The following HSD17B12 variants were observed in gnomAD, a reference collection of about 807,000 sequenced individuals.
HSD17B12 encodes the protein very-long-chain 3-oxoacyl-CoA reductase.
A neutral mutation model predicts 39.3 loss-of-function variants in HSD17B12; 32 were observed. That is an observed-to-expected ratio of 0.81 (90% confidence interval 0.61 to 1.09). The LOEUF is 1.09. Among genes scored for constraint, HSD17B12 ranks in the 50% least tolerant of loss-of-function variants. The probability of loss-of-function intolerance (pLI) is 0.00; values close to 1 mark genes in which losing one functional copy is unlikely to be tolerated. For missense variants in HSD17B12, 342 were observed against 382.9 expected (o/e 0.89, Z 0.89); for synonymous variants, 150 against 146.7 (o/e 1.02, Z -0.16).
At chr11:43,653,778 A>G in the HSD17B12 span, among the ~76,000 whole-genome samples, 3 of 151,962 alleles carry the variant, frequency 2.0e-5, no homozygotes, top group African/African-American at 7.3e-5. Flanking sequence ...TATGTGCCAC[A>G]TTTTCTTAAT....
At chr11:43,724,577 C>T (rs183041146) in intron 1 of HSD17B12, among the ~76,000 whole-genome samples, 104 of 152,226 alleles carry the variant, frequency 6.8e-4, no homozygotes, top group African/African-American at 2.3e-3. Flanking sequence ...TGGTGAGGGA[C>T]TGTTTCCTGG....
At chr11:43,793,790 A>G (rs954978540) in intron 3 of HSD17B12, among the ~76,000 whole-genome samples, 1 of 152,216 alleles carries the variant, frequency 6.6e-6, no homozygotes, top group Non-Finnish European at 1.5e-5. Context: ...GTGTGACTGT[A>G]GGAGTGGTGC....
At chr11:43,733,785 T>C in intron 1 of HSD17B12, 1 of 699,340 alleles carries the variant, frequency 1.4e-6, no homozygotes, top group Admixed American at 1.8e-5. Flanking sequence ...TTGAGTCCAT[T>C]GGCAAGTTTG....
the HSD17B12 span, among the ~76,000 whole-genome samples, chr11:43,559,140 G>C: frequency 6.6e-6 from 1 of 152,138 alleles, no homozygotes; most frequent in Non-Finnish European, 1.5e-5. Context: ...GAAAGCATCA[G>C]GTTTCTTTGT....
the HSD17B12 span, among the ~76,000 whole-genome samples, chr11:43,560,670 C>G: frequency 1.3e-5 from 2 of 152,202 alleles, no homozygotes; most frequent in African/African-American, 4.8e-5. Context: ...GATGGGCACA[C>G]ACATTCTCTA....
intron 3 of HSD17B12, among the ~76,000 whole-genome samples, chr11:43,756,112 C>T (rs1351600715): frequency 6.6e-6 from 1 of 152,154 alleles, no homozygotes; most frequent in African/African-American, 2.4e-5. Context: ...TCTCATAACA[C>T]ATGGGAATTA....
At chr11:43,620,691 T>C in the HSD17B12 span, among the ~76,000 whole-genome samples, 6 of 152,324 alleles carry the variant, frequency 3.9e-5, no homozygotes, top group African/African-American at 1.4e-4. Context: ...CTAAATATGA[T>C]ATGTTACATA....
chr11:43,638,422 T>C, the HSD17B12 span, among the ~76,000 whole-genome samples: 2 of 149,910 alleles, frequency 1.3e-5, no homozygotes, highest in Admixed American at 6.6e-5. Flanking sequence ...TTTCCCAAAT[T>C]AATTAAAAGA....
intron 1 of HSD17B12, among the ~76,000 whole-genome samples, chr11:43,698,061 C>T (rs1429751258): frequency 6.6e-6 from 1 of 151,924 alleles, no homozygotes; most frequent in Non-Finnish European, 1.5e-5. Flanking sequence ...GTGGTGGTGG[C>T]TTGGATTAAG....
At chr11:43,708,490 C>T (rs1217089861) in intron 1 of HSD17B12, among the ~76,000 whole-genome samples, 1 of 152,154 alleles carries the variant, frequency 6.6e-6, no homozygotes, top group African/African-American at 2.4e-5. Context: ...TTGCATCCCC[C>T]ATTGGATCAA....
intron 1 of HSD17B12, among the ~76,000 whole-genome samples, chr11:43,703,446 G>A (rs544822576): frequency 6.6e-6 from 1 of 152,204 alleles, no homozygotes; most frequent in Non-Finnish European, 1.5e-5. Flanking sequence ...CGCCCGCCTC[G>A]GCCTCCCAAA....
chr11:43,823,451 T>G (rs1951202378), intron 6 of HSD17B12, among the ~76,000 whole-genome samples: 1 of 151,902 alleles, frequency 6.6e-6, no homozygotes, highest in Non-Finnish European at 1.5e-5. Flanking sequence ...TTAAATTTTT[T>G]ATAGAGATGG....
rs1565105258 is a variant in HSD17B12 at position 43,830,993 on chromosome 11, GC to G, written c.521del (p.Pro174LeufsTer12). On this transcript the variant is annotated frameshift_variant, in exon 7 of 11. Transcript: ENST00000278353. LOFTEE classifies it high-confidence loss of function. ...SVCKMTQLVLPGMVERSKGAI... is the reference protein window; with the variant it reads ...SVCKMTQLVLXGMVERSKGAI... ...TCTTGCAGATGACACAATTGGTACT[GC>G]CTGGCATGGTGGAAAGGTGAGTCAC... 3.1e-6 allele frequency: 5 copies of G among 1,606,860 alleles called. No individual in the cohort carries two copies. The highest frequency in any genetic ancestry group is 4.3e-6 in the Non-Finnish European group (5 of 1,176,448).
chr11:43,790,052 C>A (rs1013237417), intron 3 of HSD17B12, among the ~76,000 whole-genome samples: 5 of 152,028 alleles, frequency 3.3e-5, no homozygotes, highest in African/African-American at 1.2e-4. Context: ...CAGCTTATAA[C>A]CACTAAGAAA....
intron 3 of HSD17B12, among the ~76,000 whole-genome samples, chr11:43,791,401 G>A (rs1454006951): frequency 6.6e-6 from 1 of 151,950 alleles, no homozygotes; most frequent in Non-Finnish European, 1.5e-5. Context: ...GTGTGGTGGT[G>A]GGTGCCTGTA....
At chr11:43,644,998 G>A in the HSD17B12 span, 2 of 152,166 alleles carry the variant, frequency 1.3e-5, no homozygotes, top group African/African-American at 2.4e-5. Context: ...TAGTTCTAGG[G>A]AGCCAGCTCC....
intron 1 of HSD17B12, among the ~76,000 whole-genome samples, chr11:43,749,164 TA>T (rs1254736530): frequency 6.6e-6 from 1 of 152,168 alleles, no homozygotes; most frequent in Admixed American, 6.5e-5. Context: ...AGGAACATGT[TA>T]AATGGTATCA....
the HSD17B12 span, among the ~76,000 whole-genome samples, chr11:43,648,131 T>C: frequency 6.6e-6 from 1 of 152,214 alleles, no homozygotes. Flanking sequence ...ATCATTTTGC[T>C]TTGTCCTTTG....
the HSD17B12 span, among the ~76,000 whole-genome samples, chr11:43,588,610 C>CTATTATTAT: frequency 0.059 from 8,564 of 144,896 alleles, 465 homozygotes; most frequent in African/African-American, 0.14. Flanking sequence ...TTATTATTAG[C>CTATTATTAT]TATTATTATT....
Sources: allele counts gnomAD v4.1 joint callset (sites outside exome capture counted in the v4.1 genomes callset), GRCh38; gene constraint gnomAD v4.1.1; transcripts MANE v1.5; gene names NCBI Gene and HGNC (gene_info 2026-07-23, HGNC 2026-07-21).